OBP2B: variants seen among roughly 807,000 people sequenced by gnomAD.
OBP2B encodes odorant-binding protein 2b.
A neutral mutation model predicts 21.7 loss-of-function variants in OBP2B; 10 were observed. The ratio of observed to expected loss-of-function variants is 0.46; its 90% confidence interval spans 0.28 to 0.78. The LOEUF (loss-of-function observed/expected upper bound fraction) is 0.78. Ranked by LOEUF, OBP2B falls within the 30% of genes least tolerant of loss-of-function variation. OBP2B has a pLI of 0.11. For missense variants in OBP2B, 153 were observed against 217.7 expected (o/e 0.70, Z 1.87); for synonymous variants, 73 against 91.5 (o/e 0.80, Z 1.16).
chr9:133,206,457 G>A (rs748048789), intron 4 of OBP2B, 41 bp from the exon 5 acceptor site: 15 of 1,608,744 alleles, frequency 9.3e-6, no homozygotes, highest in African/African-American at 4.0e-5. Flanking sequence ...TGGGGACAGC[G>A]GCACGGCCCT....
Position 133,208,548 on chromosome 9 carries a change from C to A in OBP2B, c.127G>T (p.Asp43Tyr). The change falls in exon 2 of 7, where the codon GAC (aspartate) becomes TAC (tyrosine). Residue 43 changes from aspartate to tyrosine, a missense_variant. This residue lies in a region of OBP2B where 151 missense variants were observed against 186.3 expected (regional missense o/e 0.81). Transcript: ENST00000372034. ...GGGGACACCTTCCTGGGCCTCCTGT[C>A]CTCCGGAAAGTCCTTATCGACCACC... ...AMVVDKDFPE[D>Y]RRPRKVSPVK... is the part of the protein sequence containing the mutation. The A allele has an allele frequency of 6.2e-7, 1 of 1,613,382 alleles. No individual in the cohort carries two copies. Among genetic ancestry groups the A allele is most frequent in the East Asian group, 2.2e-5 (1 of 44,862 alleles).
chr9:133,206,876 G>A lies in OBP2B; in HGVS notation c.388+350C>T, dbSNP rs541151870. On this transcript the variant is annotated intron_variant, in intron 4 of 6. Transcript: ENST00000372034. ...CACAGCCCTCACCTGGAGGGACCTTGTCTCCCAGAGGCACCGGCCACCCTC... is the reference window on the plus strand; with the variant it reads ...CACAGCCCTCACCTGGAGGGACCTTATCTCCCAGAGGCACCGGCCACCCTC... 4.6e-5 allele frequency among the ~76,000 whole-genome samples: 7 copies of A among 152,064 alleles called. No individual in the cohort carries two copies. In the South Asian group the frequency reaches 1.4e-3, roughly 31 times the overall value.
upstream of OBP2B, among the ~76,000 whole-genome samples, chr9:133,213,187 C>T (rs148789704): frequency 5.7e-3 from 857 of 150,216 alleles, 8 homozygotes; most frequent in African/African-American, 0.02. Context: ...TTGCAGTGAG[C>T]CAAGATAGTG....
chr9:133,205,557 T>C, intron 6 of OBP2B, 146 bp from the exon 7 acceptor site: 1 of 626,316 alleles, frequency 1.6e-6, no homozygotes, highest in Non-Finnish European at 2.8e-6. Context: ...GCTCCTCCAA[T>C]GACTGGGCAG....
chr9:133,207,273 C>T lies in OBP2B; in HGVS notation c.341G>A (p.Cys114Tyr), dbSNP rs782527537. 2 of 1,613,752 alleles carry T rather than the reference C, an allele frequency of 1.2e-6. No individual in the cohort carries two copies. Among genetic ancestry groups the T allele is most frequent in the African/African-American group, 2.7e-5 (2 of 74,908 alleles). Residue 114 changes from cysteine (C) to tyrosine (Y), a missense_variant, in exon 4 of 7, where the codon TGC becomes TAC. By Grantham distance (194) the Cys-to-Tyr change is radical. Around this residue, in one of 2 missense-constraint regions of OBP2B, gnomAD observed 151 missense variants for 186.3 expected, o/e 0.81. Coordinates refer to ENST00000372034, the MANE Select transcript of OBP2B (RefSeq NM_014581.4). Reference sequence around the variant, plus strand: ...CAGGCCCCCATGGTGCTGGTCTTTGCAGTAAAAGATGTAGTGGTCCCTCCT... The same window carrying T: ...CAGGCCCCCATGGTGCTGGTCTTTGTAGTAAAAGATGTAGTGGTCCCTCCT... ...LPRRDHYIFY[C>Y]KDQHHGGLLH...
chr9:133,221,355 G>T, the OBP2B span, among the ~76,000 whole-genome samples: 85 of 152,300 alleles, frequency 5.6e-4, no homozygotes, highest in African/African-American at 2.0e-3. Flanking sequence ...GGCTTTCTCA[G>T]GTCTACAGGC....
chr9:133,208,703 G>A (rs1419768845), intron 1 of OBP2B, 101 bp from the exon 2 acceptor site: 168 of 1,525,358 alleles, frequency 1.1e-4, no homozygotes, highest in East Asian at 3.5e-4. Context: ...CATGGTGCCC[G>A]GCTGCTGCCC....
upstream of OBP2B, among the ~76,000 whole-genome samples, chr9:133,212,859 A>G (rs1320560921): frequency 6.6e-6 from 1 of 152,066 alleles, no homozygotes; most frequent in Admixed American, 6.5e-5. Context: ...TGAACCCGGG[A>G]GGCGGAGGTT....
intron 3 of OBP2B, among the ~76,000 whole-genome samples, 192 bp from the exon 4 acceptor site, chr9:133,207,528 G>A (rs1157003931): frequency 1.3e-5 from 2 of 152,128 alleles, no homozygotes; most frequent in Non-Finnish European, 2.9e-5. Flanking sequence ...GCAAGTAATG[G>A]AGCCACAAGG....
chr9:133,210,991 C>T (rs1318420956), upstream of OBP2B, among the ~76,000 whole-genome samples: 2 of 152,174 alleles, frequency 1.3e-5, no homozygotes, highest in East Asian at 3.9e-4. Context: ...GCTGCCGCTA[C>T]CACACAACTT....
upstream of OBP2B, among the ~76,000 whole-genome samples, chr9:133,210,061 C>T (rs566123838): frequency 1.1e-3 from 163 of 152,302 alleles, no homozygotes; most frequent in African/African-American, 3.8e-3. Flanking sequence ...GAATCTCATC[C>T]CTTTAGATAA....
At chr9:133,217,433 A>G in the OBP2B span, among the ~76,000 whole-genome samples, 3 of 152,172 alleles carry the variant, frequency 2.0e-5, no homozygotes, top group African/African-American at 7.2e-5. Context: ...AGGCGTAGGG[A>G]GAAGCGCCTC....
upstream of OBP2B, among the ~76,000 whole-genome samples, chr9:133,210,370 C>A (rs1440881397): frequency 1.3e-5 from 2 of 152,146 alleles, no homozygotes; most frequent in East Asian, 3.9e-4. Flanking sequence ...CTCTAATAAA[C>A]CCTGGGGCTG....
the OBP2B span, among the ~76,000 whole-genome samples, chr9:133,218,110 G>T: frequency 1.5e-3 from 232 of 152,302 alleles, no homozygotes; most frequent in African/African-American, 5.3e-3. Flanking sequence ...GAACAGCCCC[G>T]CCAAGGTGGC....
At chr9:133,222,080 C>T in the OBP2B span, among the ~76,000 whole-genome samples, 3 of 151,916 alleles carry the variant, frequency 2.0e-5, no homozygotes, top group South Asian at 2.1e-4. Flanking sequence ...CCAGGAGAAC[C>T]GCGCTCCAAT....
chr9:133,223,253 C>CT, the OBP2B span, among the ~76,000 whole-genome samples: 1 of 152,078 alleles, frequency 6.6e-6, no homozygotes, highest in Non-Finnish European at 1.5e-5. This position sits in a 1 kb window ranked among gnomAD's most constrained non-coding sequence, Gnocchi z 4.4. Flanking sequence ...CCAGGGTTTG[C>CT]TTTAGGCTGG....
intron 6 of OBP2B, 21 bp downstream of exon 6, chr9:133,205,896 C>T (rs147134232): frequency 0.097 from 106,091 of 1,093,916 alleles, no homozygotes; most frequent in African/African-American, 0.15. Flanking sequence ...TTGTCCAGTG[C>T]CCTCCTAAAG....
At chr9:133,208,976 G>A (rs1833846378) in intron 1 of OBP2B, 152 bp downstream of exon 1, 1 of 982,014 alleles carries the variant, frequency 1.0e-6, no homozygotes, top group African/African-American at 1.6e-5. Flanking sequence ...TCTGCTGGAG[G>A]AACAATAGGA....
upstream of OBP2B, among the ~76,000 whole-genome samples, chr9:133,213,494 A>G (rs1833941005): frequency 6.6e-6 from 1 of 152,216 alleles, no homozygotes; most frequent in Non-Finnish European, 1.5e-5. Flanking sequence ...AGAGAAAAAC[A>G]ATGAAACAAG....
Sources: gnomAD v4.1 joint callset for allele counts (sites outside exome capture counted in the v4.1 genomes callset) on GRCh38, gnomAD v4.1.1 for gene constraint, gnomAD v4.1.1 regional missense constraint, Gnocchi (gnomAD v3.1) non-coding constraint, MANE v1.5 for transcripts, NCBI Gene and HGNC (gene_info 2026-07-23, HGNC 2026-07-21) for gene names.